SBF2: variants seen among roughly 807,000 people sequenced by gnomAD.
The protein encoded by SBF2 is myotubularin-related protein 13.
Under a neutral mutation model 225.2 loss-of-function variants are expected in SBF2, and 112 were observed. The ratio of observed to expected loss-of-function variants is 0.50; its 90% CI spans 0.43 to 0.58. The LOEUF is 0.58. Ranked by LOEUF, SBF2 falls within the 20% of genes least tolerant of loss-of-function variation. SBF2 has a pLI of 0.00. For missense variants in SBF2, 1,996 were observed against 2,206.2 expected (o/e 0.90, Z 1.91); for synonymous variants, 763 against 773.3 (o/e 0.99, Z 0.22).
intron 36 of SBF2, among the ~76,000 whole-genome samples, chr11:9,785,852 A>C (rs1852336528): frequency 7.8e-6 from 1 of 127,830 alleles, no homozygotes; most frequent in Non-Finnish European, 1.7e-5. Flanking sequence ...ACACTATCTC[A>C]AAAAAAATAA....
intron 35 of SBF2, 147 bp downstream of exon 35, chr11:9,788,962 G>A: frequency 1.4e-6 from 1 of 709,446 alleles, no homozygotes; most frequent in Non-Finnish European, 2.5e-6. Flanking sequence ...CCCCACTGAT[G>A]ATGGGGAGCA....
At chr11:10,116,792 C>A (rs1400811706) in intron 2 of SBF2, among the ~76,000 whole-genome samples, 2 of 152,180 alleles carry the variant, frequency 1.3e-5, no homozygotes, top group Non-Finnish European at 2.9e-5. Context: ...GCAGGAAAAA[C>A]CCTGCCTAGC....
At chr11:10,017,978 G>A (rs894429934) in intron 6 of SBF2, among the ~76,000 whole-genome samples, 1 of 151,988 alleles carries the variant, frequency 6.6e-6, no homozygotes, top group Non-Finnish European at 1.5e-5. Context: ...GACTATGTCT[G>A]TTCTGCTTGA....
intron 2 of SBF2, among the ~76,000 whole-genome samples, chr11:10,133,367 CGG>C (rs1954173740): frequency 6.7e-6 from 1 of 149,470 alleles, no homozygotes; most frequent in African/African-American, 2.5e-5. Context: ...TGGTGCTTGT[CGG>C]GGAGGCTCGG....
At chr11:9,996,119 T>C (rs1450521310) in intron 9 of SBF2, among the ~76,000 whole-genome samples, 1 of 152,210 alleles carries the variant, frequency 6.6e-6, no homozygotes, top group Non-Finnish European at 1.5e-5. Context: ...TATACGAGTA[T>C]GCAGCAGAAC....
At chr11:9,788,396 C>A (rs1852511217) in intron 35 of SBF2, among the ~76,000 whole-genome samples, 1 of 152,106 alleles carries the variant, frequency 6.6e-6, no homozygotes, top group Non-Finnish European at 1.5e-5. Context: ...ACATTCCTTG[C>A]AGAAGATGGT....
chr11:10,267,192 A>C (rs1384064696), intron 1 of SBF2, among the ~76,000 whole-genome samples: 1 of 152,230 alleles, frequency 6.6e-6, no homozygotes, highest in Non-Finnish European at 1.5e-5. Context: ...CTTGGAATAT[A>C]GATGGGATGG....
intron 2 of SBF2, among the ~76,000 whole-genome samples, chr11:10,166,867 C>T (rs929469688): frequency 1.3e-5 from 2 of 151,846 alleles, no homozygotes; most frequent in African/African-American, 4.8e-5. Flanking sequence ...GAGACTGAGG[C>T]GGGAGAATCA....
chr11:10,129,597 A>G (rs567472406), intron 2 of SBF2, among the ~76,000 whole-genome samples: 1 of 152,222 alleles, frequency 6.6e-6, no homozygotes, highest in Non-Finnish European at 1.5e-5. Context: ...AACTTCTAAT[A>G]GGGTTTGTAC....
At chr11:10,050,572 G>A (rs1438865799) in intron 2 of SBF2, among the ~76,000 whole-genome samples, 1 of 151,872 alleles carries the variant, frequency 6.6e-6, no homozygotes, top group Non-Finnish European at 1.5e-5. Context: ...ATATGAATGG[G>A]GTCTCTCTCA....
At chr11:9,805,913 G>T (rs11603354) in intron 32 of SBF2, among the ~76,000 whole-genome samples, 1 of 152,168 alleles carries the variant, frequency 6.6e-6, no homozygotes, top group South Asian at 2.1e-4. Context: ...GAGCCACCAC[G>T]CCCGACCAGG....
At chr11:10,293,403 T>C (rs953838792) in intron 1 of SBF2, among the ~76,000 whole-genome samples, 1 of 152,234 alleles carries the variant, frequency 6.6e-6, no homozygotes, top group Non-Finnish European at 1.5e-5. Context: ...GTCATGTCAC[T>C]GTGAAGTGAC....
At chr11:10,172,861 T>C (rs1216070997) in intron 2 of SBF2, among the ~76,000 whole-genome samples, 1 of 152,038 alleles carries the variant, frequency 6.6e-6, no homozygotes, top group Non-Finnish European at 1.5e-5. Context: ...AGAGACAGGG[T>C]TTTGCCATGC....
At chr11:10,070,985 G>A (rs1486702887) in intron 2 of SBF2, among the ~76,000 whole-genome samples, 1 of 152,142 alleles carries the variant, frequency 6.6e-6, no homozygotes, top group Non-Finnish European at 1.5e-5. Flanking sequence ...GTATAGGAAT[G>A]CTTGTGATTT....
chr11:9,899,817 GA>G (rs1418294329), intron 16 of SBF2, among the ~76,000 whole-genome samples: 1 of 152,060 alleles, frequency 6.6e-6, no homozygotes. Flanking sequence ...GATCCCTGAT[GA>G]TATCATCAGA....
chr11:10,296,519 G>A (rs1964551060), upstream of SBF2, among the ~76,000 whole-genome samples: 2 of 152,130 alleles, frequency 1.3e-5, no homozygotes, highest in East Asian at 1.9e-4. Flanking sequence ...ACCTTCCACC[G>A]GATCCCTCCC....
chr11:9,859,058 C>T (rs181812218), intron 17 of SBF2, among the ~76,000 whole-genome samples: 6 of 152,302 alleles, frequency 3.9e-5, no homozygotes, highest in Admixed American at 3.3e-4. Context: ...CAGGGACTTC[C>T]TGCTGGGTTT....
chr11:9,937,954 A>G (rs556529980), intron 16 of SBF2, among the ~76,000 whole-genome samples: 21 of 152,300 alleles, frequency 1.4e-4, no homozygotes, highest in African/African-American at 4.8e-4. Context: ...CACACAAAAA[A>G]TTGAAAACTG....
chr11:10,302,308 A>G (rs1964605955), intron 1 of SBF2, among the ~76,000 whole-genome samples: 1 of 152,238 alleles, frequency 6.6e-6, no homozygotes, highest in African/African-American at 2.4e-5. Flanking sequence ...ACTTAAACCC[A>G]CGAAGCTTTG....
Sources: gnomAD v4.1 joint callset for allele counts (sites outside exome capture counted in the v4.1 genomes callset) on GRCh38, gnomAD v4.1.1 for gene constraint, MANE v1.5 for transcripts, NCBI Gene and HGNC (gene_info 2026-07-23, HGNC 2026-07-21) for gene names.